SORCS3: variants seen among roughly 807,000 people sequenced by gnomAD.
SORCS3 encodes VPS10 domain-containing receptor SorCS3.
In SORCS3, 57 loss-of-function variants were observed where a neutral mutation model predicts 146.3. That is an observed-to-expected ratio of 0.39 (90% CI 0.31 to 0.49). The LOEUF (loss-of-function observed/expected upper bound fraction) is 0.49. Among genes scored for constraint, SORCS3 ranks in the 20% least tolerant of loss-of-function variants. The pLI is 0.92. For synonymous variants in SORCS3, 653 were observed against 618.5 expected, an observed-to-expected ratio of 1.06 and a Z score of -0.83; for missense variants, 1,341 against 1,575.5, an observed-to-expected ratio of 0.85 and a Z score of 2.52.
chr10:105,253,969 G>T (rs1373185845), intron 23 of SORCS3, among the ~76,000 whole-genome samples: 2 of 152,204 alleles, frequency 1.3e-5, no homozygotes, highest in Non-Finnish European at 2.9e-5. Flanking sequence ...TAGATAAATA[G>T]GTAATTACAG....
At chr10:105,257,064 C>T (rs1424972957) in intron 25 of SORCS3, 140 bp downstream of exon 25, 16 of 679,124 alleles carry the variant, frequency 2.4e-5, no homozygotes, top group East Asian at 1.9e-4. Context: ...TGGGTAAAAG[C>T]AAGAATGGTT....
chr10:105,117,099 G>A (rs1418624351), intron 7 of SORCS3, among the ~76,000 whole-genome samples: 1 of 151,928 alleles, frequency 6.6e-6, no homozygotes, highest in Non-Finnish European at 1.5e-5. Flanking sequence ...AGGTAGGCAA[G>A]TCTGAGCCTC....
chr10:105,190,491 C>T (rs192766118), intron 14 of SORCS3, among the ~76,000 whole-genome samples: 16 of 152,228 alleles, frequency 1.1e-4, no homozygotes, highest in African/African-American at 3.1e-4. Context: ...CTCTGCCTCC[C>T]GGGTTTAAGC....
rs749423326 is a variant in SORCS3 at position 105,201,266 on chromosome 10, G to A, written c.2261+13G>A. The A allele has an allele frequency of 1.9e-6, 3 of 1,598,696 alleles. No individual in the cohort carries two copies. The South Asian group carries it at 3.4e-5, about 18-fold the overall frequency. ...GGGACTTCGAGTGGTGAGTTGTTTGGCATTTCATTACCAATTCCAACCAGG... is the reference window on the plus strand; with the variant it reads ...GGGACTTCGAGTGGTGAGTTGTTTGACATTTCATTACCAATTCCAACCAGG... On this transcript the variant is annotated intron_variant, in intron 16 of 26. Transcript: ENST00000369701.
intron 4 of SORCS3, among the ~76,000 whole-genome samples, chr10:105,041,408 A>AT (rs908938829): frequency 6.9e-6 from 1 of 145,874 alleles, no homozygotes; most frequent in Admixed American, 7.0e-5. Context: ...AGGATTAAAA[A>AT]AAATATATAT....
intron 9 of SORCS3, among the ~76,000 whole-genome samples, chr10:105,148,524 G>A (rs1044542848): frequency 1.3e-5 from 2 of 152,224 alleles, no homozygotes; most frequent in Middle Eastern, 3.4e-3. Context: ...CCCAGTGAAG[G>A]AACTTGACTG....
chr10:105,227,689 TCAACTA>T (rs1359046381), intron 20 of SORCS3, among the ~76,000 whole-genome samples: 1 of 152,174 alleles, frequency 6.6e-6, no homozygotes, highest in African/African-American at 2.4e-5. Flanking sequence ...TCCCTTTAGA[TCAACTA>T]ATATTTGCTT....
chr10:104,648,311 AT>A (rs925326141), intron 1 of SORCS3, among the ~76,000 whole-genome samples: 1 of 151,246 alleles, frequency 6.6e-6, no homozygotes, highest in Admixed American at 6.6e-5. Flanking sequence ...GACCCTGCTT[AT>A]TTTTTTTTCT....
intron 14 of SORCS3, among the ~76,000 whole-genome samples, chr10:105,185,841 A>G (rs2119579935): frequency 6.6e-6 from 1 of 152,326 alleles, no homozygotes; most frequent in South Asian, 2.1e-4. Flanking sequence ...TTATGTATTC[A>G]TAGAAATATA....
chr10:105,090,935 G>T (rs2055697507), intron 6 of SORCS3, among the ~76,000 whole-genome samples: 1 of 152,188 alleles, frequency 6.6e-6, no homozygotes, highest in Non-Finnish European at 1.5e-5. Context: ...GAAATCTACT[G>T]TTGGAGGCCA....
chr10:104,715,350 C>T (rs531283095), intron 1 of SORCS3, among the ~76,000 whole-genome samples: 1 of 152,306 alleles, frequency 6.6e-6, no homozygotes, highest in African/African-American at 2.4e-5. Flanking sequence ...CTTCTCCTGT[C>T]TTTGGATGTT....
intron 1 of SORCS3, among the ~76,000 whole-genome samples, chr10:104,670,030 AAATGTC>A (rs1027223347): frequency 6.6e-6 from 1 of 151,908 alleles, no homozygotes; most frequent in Non-Finnish European, 1.5e-5. Flanking sequence ...TCCTTTGGAG[AAATGTC>A]TATTCAAGTC....
intron 5 of SORCS3, among the ~76,000 whole-genome samples, chr10:105,084,138 T>A (rs1480716462): frequency 6.6e-6 from 1 of 152,186 alleles, no homozygotes; most frequent in Non-Finnish European, 1.5e-5. Flanking sequence ...AAATCAACAT[T>A]TACATTTTAA....
At chr10:104,818,851 C>T (rs2017838817) in intron 1 of SORCS3, among the ~76,000 whole-genome samples, 2 of 152,084 alleles carry the variant, frequency 1.3e-5, no homozygotes, top group African/African-American at 4.8e-5. Context: ...GAGTGCACTT[C>T]TCAGTGGGCC....
intron 20 of SORCS3, among the ~76,000 whole-genome samples, chr10:105,231,851 TC>T (rs1314309291): frequency 6.6e-6 from 1 of 152,154 alleles, no homozygotes; most frequent in Non-Finnish European, 1.5e-5. Flanking sequence ...TGGGATAAAT[TC>T]TCATAGTGGT....
rs202016928 is a variant in SORCS3, at chr10:104,774,795, C to T, written c.628-67997C>T. Among the ~76,000 whole-genome samples the T allele has an allele frequency of 4.6e-5, 7 of 152,280 alleles. No individual in the cohort carries two copies. In the East Asian group the frequency reaches 1.4e-3, roughly 29 times the overall value. Reference sequence around the variant, plus strand: ...ACTTGACCAAGTCATTTTCCATCTGCACCTTAGTTTACCTCTCTAGTGAAA... The same window carrying T: ...ACTTGACCAAGTCATTTTCCATCTGTACCTTAGTTTACCTCTCTAGTGAAA... On this transcript the variant is annotated intron_variant, in intron 1 of 26. Coordinates refer to ENST00000369701, the MANE Select transcript of SORCS3 (RefSeq NM_014978.3).
intron 1 of SORCS3, among the ~76,000 whole-genome samples, chr10:104,677,074 A>T (rs1003764520): frequency 1.3e-5 from 2 of 152,228 alleles, no homozygotes; most frequent in African/African-American, 4.8e-5. Context: ...AATCATGGTT[A>T]TCCAGTGGTC....
intron 7 of SORCS3, among the ~76,000 whole-genome samples, chr10:105,133,929 G>A (rs2056039679): frequency 6.6e-6 from 1 of 152,134 alleles, no homozygotes; most frequent in Non-Finnish European, 1.5e-5. Context: ...CTGCACTCTA[G>A]CCTGGGTGAC....
In SORCS3 at chr10:104,887,971, G is replaced by GGTGGTGC. The variant is rs145157471; in HGVS notation, c.696-27861_696-27860insTGGTGCG. 4.8e-5 allele frequency among the ~76,000 whole-genome samples: 4 copies of GGTGGTGC among 83,116 alleles called. 1 individual carries two copies. The highest frequency in any genetic ancestry group is 2.2e-4 in the African/African-American group (4 of 18,182). 54.5% of individuals were successfully genotyped at this position (83,116 alleles called of 152,430 possible). A position where few individuals can be genotyped will look rare whatever the true frequency, so the allele number is the denominator to read the frequency against. ...AACATGGTGGGGGCGGGGGGGCGGGGGCGGAGCAAGCCCATGAAGACAGCA... is the reference window on the plus strand; with the variant it reads ...AACATGGTGGGGGCGGGGGGGCGGGGGTGGTGCGCGGAGCAAGCCCATGAAGACAGCA... On this transcript the variant is annotated intron_variant, in intron 2 of 26. Coordinates refer to ENST00000369701, the MANE Select transcript of SORCS3 (RefSeq NM_014978.3).
Sources: gnomAD v4.1 joint callset for allele counts (sites outside exome capture counted in the v4.1 genomes callset) on GRCh38, gnomAD v4.1.1 for gene constraint, MANE v1.5 for transcripts, NCBI Gene and HGNC (gene_info 2026-07-23, HGNC 2026-07-21) for gene names.